Variants in MCPH1 observed in about 807,000 individuals in gnomAD.
MCPH1 encodes microcephalin 1.
Under a neutral mutation model 84.5 loss-of-function variants are expected in MCPH1, and 104 were observed. The observed-to-expected ratio is 1.23, with a 90% confidence interval of 1.05 to 1.45. The LOEUF is 1.45. Among genes scored for constraint, MCPH1 ranks in the 40% most tolerant of loss-of-function variants. MCPH1 has a pLI of 0.00. For synonymous variants in MCPH1, 514 were observed against 366.8 expected (o/e 1.40, Z -4.58); for missense variants, 1,498 against 1,005.7 (o/e 1.49, Z -6.62).
intron 13 of MCPH1, among the ~76,000 whole-genome samples, chr8:6,630,350 G>C (rs867474547): frequency 6.6e-6 from 1 of 152,196 alleles, no homozygotes; most frequent in South Asian, 2.1e-4. Context: ...AAAATCATAA[G>C]AGAGCATGAT....
intron 1 of MCPH1, 44 bp from the exon 2 acceptor site, chr8:6,409,235 C>A: frequency 6.7e-7 from 1 of 1,495,556 alleles, no homozygotes; most frequent in East Asian, 2.3e-5. Flanking sequence ...GCAGGGGATG[C>A]TGGAATTTCA....
intron 12 of MCPH1, among the ~76,000 whole-genome samples, chr8:6,569,049 G>C (rs745357766): frequency 2.0e-5 from 3 of 152,194 alleles, no homozygotes; most frequent in Non-Finnish European, 4.4e-5. Flanking sequence ...AGACATCTTG[G>C]CCATCCAAAT....
At chr8:6,412,365 CT>C (rs1798659014) in intron 2 of MCPH1, among the ~76,000 whole-genome samples, 1 of 152,210 alleles carries the variant, frequency 6.6e-6, no homozygotes, top group Admixed American at 6.5e-5. Context: ...GATCTTAGAT[CT>C]TTTAGAACTT....
chr8:6,431,119 C>T (rs1446393849), intron 3 of MCPH1, among the ~76,000 whole-genome samples: 2 of 152,144 alleles, frequency 1.3e-5, no homozygotes, highest in Admixed American at 6.5e-5. Context: ...AATTTCTTTA[C>T]GTCCCTTCTA....
At chr8:6,462,387 T>C (rs1418092117) in intron 9 of MCPH1, among the ~76,000 whole-genome samples, 1 of 152,258 alleles carries the variant, frequency 6.6e-6, no homozygotes, top group Non-Finnish European at 1.5e-5. Flanking sequence ...GTAAATATTT[T>C]CTGAGTAAAT....
In MCPH1 at chr8:6,592,946, C is replaced by T. The variant is rs185632565; in HGVS notation, c.2215-28508C>T. ...CCTCCCAAAGTGCTGGGATTACAGGCGTGAGCCACCGTGCCAGGCCGGCTC... is the reference window on the plus strand; with the variant it reads ...CCTCCCAAAGTGCTGGGATTACAGGTGTGAGCCACCGTGCCAGGCCGGCTC... On this transcript the variant is annotated intron_variant, in intron 12 of 13. Coordinates refer to ENST00000344683, the MANE Select transcript of MCPH1 (RefSeq NM_024596.5). Among the ~76,000 whole-genome samples, 290 of 151,468 alleles carry T rather than the reference C, an allele frequency of 1.9e-3. 2 individuals are homozygous for T. The highest frequency in any genetic ancestry group is 6.7e-3 in the African/African-American group (278 of 41,242).
At chr8:6,493,940 ATT>A (rs34395353) in intron 11 of MCPH1, among the ~76,000 whole-genome samples, 144 of 147,622 alleles carry the variant, frequency 9.8e-4, no homozygotes, top group Middle Eastern at 3.5e-3. Flanking sequence ...GAAATAGTAA[ATT>A]TTTTTTTTTT....
At chr8:6,606,466 C>G (rs923532071) in intron 12 of MCPH1, among the ~76,000 whole-genome samples, 16 of 152,196 alleles carry the variant, frequency 1.1e-4, no homozygotes, top group African/African-American at 3.1e-4. Context: ...TGTTCATGTT[C>G]TATTAAAGCA....
intron 12 of MCPH1, among the ~76,000 whole-genome samples, chr8:6,584,078 C>G (rs970304526): frequency 2.6e-5 from 4 of 152,160 alleles, no homozygotes; most frequent in South Asian, 4.1e-4. Context: ...CCTTCATCAT[C>G]TTCCAACATT....
chr8:6,437,099 A>G (rs954618757), intron 5 of MCPH1, among the ~76,000 whole-genome samples: 2 of 152,320 alleles, frequency 1.3e-5, no homozygotes, highest in South Asian at 4.1e-4. Context: ...ACAGATAAGC[A>G]ATTATGGTCA....
chr8:6,449,858 C>A (rs193037790), intron 8 of MCPH1, among the ~76,000 whole-genome samples: 1 of 152,144 alleles, frequency 6.6e-6, no homozygotes, highest in Non-Finnish European at 1.5e-5. Context: ...CTTCAACCAC[C>A]GAAAGTCAGT....
chr8:6,648,020 C>T lies in MCPH1; in HGVS notation c.*4971C>T, dbSNP rs1416501936. ...AGAGAAAGAACTTTCTCTTCCACAGCAATGAGTGCAGGTAGCTAACACTGA... is the reference window on the plus strand; with the variant it reads ...AGAGAAAGAACTTTCTCTTCCACAGTAATGAGTGCAGGTAGCTAACACTGA... On this transcript the variant is annotated 3_prime_UTR_variant, in exon 14 of 14. Transcript: ENST00000344683. The T allele has an allele frequency of 6.6e-6, 1 of 152,196 alleles. No individual in the cohort carries two copies. Among genetic ancestry groups the T allele is most frequent in the East Asian group, 1.9e-4 (1 of 5,200 alleles). 9.4% of individuals were successfully genotyped at this position (152,196 alleles called of 1,614,324 possible).
At chr8:6,485,070 T>C (rs529481298) in intron 11 of MCPH1, among the ~76,000 whole-genome samples, 1 of 152,332 alleles carries the variant, frequency 6.6e-6, no homozygotes, top group Admixed American at 6.5e-5. Flanking sequence ...CTCATGCCTG[T>C]AATCCCAGCA....
chr8:6,643,186 G>A lies in MCPH1; in HGVS notation c.*137G>A. The A allele has an allele frequency of 2.5e-6, 2 of 791,448 alleles. No homozygotes were observed. Among genetic ancestry groups the A allele is most frequent in the South Asian group, 1.5e-5 (1 of 68,828 alleles). 49.0% of individuals were successfully genotyped at this position (791,448 alleles called of 1,614,324 possible). ...TCTGATATCATGTTTGCCATGTGTT[G>A]TGGTTCTTAAGAACTCATAGGTGAC... is the stretch of plus-strand genomic sequence containing the variant. On this transcript the variant is annotated 3_prime_UTR_variant, in exon 14 of 14. Coordinates refer to ENST00000344683, the MANE Select transcript of MCPH1 (RefSeq NM_024596.5).
At chr8:6,532,256 T>G in intron 12 of MCPH1, 14 of 1,552,980 alleles carry the variant, frequency 9.0e-6, no homozygotes, top group African/African-American at 1.4e-5. Flanking sequence ...ATGCCTTCAT[T>G]GAGGAAGCTC....
At position 6,626,310 on chromosome 8, in the gene MCPH1, G is replaced by A. The variant is rs148320870; in HGVS notation, c.2452+4619G>A. 1.2e-4 allele frequency: 115 copies of A among 985,222 alleles called. No homozygotes were observed. In the African/African-American group the frequency reaches 1.9e-3, roughly 16 times the overall value. 61.0% of individuals were successfully genotyped at this position (985,222 alleles called of 1,614,324 possible). A position where few individuals can be genotyped will look rare whatever the true frequency, so the allele number is the denominator to read the frequency against. ...TTGCTCCCTGGAGAATTTCATCTGC[G>A]CCGCGTTGCCTAATAACGGGGTTAT... On this transcript the variant is annotated intron_variant, in intron 13 of 13. Transcript: ENST00000344683.
intron 12 of MCPH1, among the ~76,000 whole-genome samples, chr8:6,581,249 A>C (rs979299483): frequency 6.6e-6 from 1 of 152,220 alleles, no homozygotes; most frequent in Non-Finnish European, 1.5e-5. Context: ...AATGCTAACC[A>C]TGTGGGAATT....
intron 12 of MCPH1, among the ~76,000 whole-genome samples, chr8:6,574,436 C>T (rs1220381446): frequency 6.6e-6 from 1 of 152,218 alleles, no homozygotes; most frequent in African/African-American, 2.4e-5. Flanking sequence ...ACTAGTTAAA[C>T]CTGCAGTGAC....
At chr8:6,415,344 G>GACCC (rs1384309639) in intron 3 of MCPH1, among the ~76,000 whole-genome samples, 1 of 148,564 alleles carries the variant, frequency 6.7e-6, no homozygotes, top group East Asian at 2.0e-4. Context: ...CTAGAGTGCA[G>GACCC]TAGCTGGATC....
Sources: allele counts gnomAD v4.1 joint callset (sites outside exome capture counted in the v4.1 genomes callset), GRCh38; gene constraint gnomAD v4.1.1; transcripts MANE v1.5; gene names NCBI Gene and HGNC (gene_info 2026-07-23, HGNC 2026-07-21).